FANCD2OS: variants seen among roughly 807,000 people sequenced by gnomAD.
FANCD2OS encodes FANCD2 opposite strand.
Under a neutral mutation model 13.2 loss-of-function variants are expected in FANCD2OS, and 11 were observed. The ratio of observed to expected loss-of-function variants is 0.83; its 90% CI spans 0.52 to 1.38. The LOEUF (loss-of-function observed/expected upper bound fraction) is 1.38. FANCD2OS is among the 40% of genes most tolerant of loss of function. The pLI, the probability that FANCD2OS is intolerant of heterozygous loss-of-function variation, is 0.00. For synonymous variants in FANCD2OS, 69 were observed against 84.5 expected, an observed-to-expected ratio of 0.82 and a Z score of 1.01; for missense variants, 217 against 213.9, an observed-to-expected ratio of 1.01 and a Z score of -0.09.
rs1206451088 is a variant in FANCD2OS at position 10,104,386 on chromosome 3, A to G, written c.389T>C (p.Ile130Thr). ...VSDKSAFCKI[I>T]SREHQWPIGL... ...AATGGGCCACTGGTGCTCCCTGCTA[A>G]TGATTTTGCAAAAGGCTGACTTGTC... The change falls in exon 2 of 2, where the codon ATT becomes ACT. Residue 130 changes from isoleucine (I) to threonine (T), a missense_variant. Physicochemically the swap from Ile to Thr is moderately conservative, Grantham distance 89 (BLOSUM62 -1). Transcript: ENST00000450660. 6.2e-7 allele frequency: 1 copy of G among 1,614,058 alleles called. No individual in the cohort carries two copies. Among genetic ancestry groups the G allele is most frequent in the Non-Finnish European group, 8.5e-7 (1 of 1,180,040 alleles).
At chr3:10,086,472 T>C (rs1420916632) in intron 2 of FANCD2OS, among the ~76,000 whole-genome samples, 1 of 152,128 alleles carries the variant, frequency 6.6e-6, no homozygotes, top group Non-Finnish European at 1.5e-5. Flanking sequence ...CATCCCTGTC[T>C]ATAGGTCAGG....
rs1021963749 is a variant in FANCD2OS at position 10,087,124 on chromosome 3, C to G, written c.*44-5593G>C. 16 of 1,613,954 alleles carry G rather than the reference C, an allele frequency of 9.9e-6. No individual in the cohort carries two copies. The highest frequency in any genetic ancestry group is 1.4e-5 in the Non-Finnish European group (16 of 1,179,932). The stretch of plus-strand genomic sequence containing the variant: ...TATTGCATTTGTTTGTTTTTCTTGT[C>G]TCCTTACAGCCAGAGCGTCCATTAC... On this transcript the variant is annotated intron_variant, in intron 2 of 2. Coordinates refer to the FANCD2OS transcript ENST00000524279.
chr3:10,085,895 A>G, intron 2 of FANCD2OS: 1 of 1,613,218 alleles, frequency 6.2e-7, no homozygotes, highest in Non-Finnish European at 8.5e-7. Flanking sequence ...CAGGGAGAAC[A>G]CAGCCAGCCT....
downstream of FANCD2OS, chr3:10,102,859 AAG>A: frequency 1.1e-5 from 2 of 184,160 alleles, no homozygotes; most frequent in Non-Finnish European, 2.3e-5. Flanking sequence ...AAAAAAAAAA[AAG>A]ACCAAAATAA....
intron 2 of FANCD2OS, among the ~76,000 whole-genome samples, chr3:10,092,583 G>A (rs1309493477): frequency 8.0e-5 from 12 of 150,012 alleles, no homozygotes; most frequent in Admixed American, 6.7e-4. Flanking sequence ...GAATGCCCTC[G>A]TTCTCCTTTA....
Position 10,087,390 on chromosome 3 carries a change from C to T in FANCD2OS, c.*44-5859G>A, listed in dbSNP as rs942939246. On this transcript the variant is annotated intron_variant, in intron 2 of 2. Transcript: ENST00000524279. ...ATCCCCACATAACCTTGGATAGGCC[C>T]TCTTGCTATACCAAGAAGGTCATTT... 1.2e-5 allele frequency: 10 copies of T among 852,812 alleles called. No individual in the cohort carries two copies. The African/African-American group carries it at 1.7e-4, about 15-fold the overall frequency. 52.8% of individuals were successfully genotyped at this position (852,812 alleles called of 1,614,324 possible). A position where few individuals can be genotyped will look rare whatever the true frequency, so the allele number is the denominator to read the frequency against.
Position 10,104,629 on chromosome 3 carries a change from T to G in FANCD2OS, c.146A>C (p.Gln49Pro). 1 of 1,614,204 alleles carries G rather than the reference T, an allele frequency of 6.2e-7. No individual in the cohort carries two copies. Among genetic ancestry groups the G allele is most frequent in the East Asian group, 2.2e-5 (1 of 44,880 alleles). ...TAGAGTGACCTCTTGAAAGCACAGC[T>G]GCACTTCAAGGTCGGACGGTGTGTG... ...FPHTPSDLEV[Q>P]LCFQEVTLVL... The change falls in exon 2 of 2, where the codon CAG becomes CCG. Residue 49 changes from glutamine to proline, a missense_variant. Transcript: ENST00000450660.
intron 2 of FANCD2OS, chr3:10,096,179 T>A: frequency 1.2e-6 from 1 of 815,058 alleles, no homozygotes. Flanking sequence ...TGGATTACTC[T>A]GCCAAACTAT....
At chr3:10,100,709 C>T (rs34765852), downstream of FANCD2OS, among the ~76,000 whole-genome samples, 259 of 152,204 alleles carry the variant, frequency 1.7e-3, 1 homozygote, top group African/African-American at 5.9e-3. Context: ...CATTCTATAT[C>T]GAATGCCCTC....
At chr3:10,088,565 A>G (rs1288294704) in intron 2 of FANCD2OS, 8 of 1,479,346 alleles carry the variant, frequency 5.4e-6, no homozygotes, top group East Asian at 2.3e-5. Flanking sequence ...GTTTCTTCCA[A>G]TGAGCCAAAT....
In FANCD2OS at chr3:10,090,379, G is replaced by T. The variant is rs779242727; in HGVS notation, c.*44-8848C>A. ...TTGAGCCTGGCACAGCAGCAGACTCGCAGCAGGTGAGTAAGATAATAGTCA... is the reference window on the plus strand; with the variant it reads ...TTGAGCCTGGCACAGCAGCAGACTCTCAGCAGGTGAGTAAGATAATAGTCA... On this transcript the variant is annotated intron_variant, in intron 2 of 2. Coordinates refer to the FANCD2OS transcript ENST00000524279. 1.9e-6 allele frequency: 3 copies of T among 1,602,566 alleles called. No individual in the cohort carries two copies. The East Asian group carries it at 6.7e-5, about 36-fold the overall frequency.
chr3:10,104,294 A>G lies in FANCD2OS; in HGVS notation c.481T>C (p.Leu161=). ...MCKQMLRSIL[L]LYATYKKCTF... ...CACTTTTTGTAAGTTGCATACAGCA[A>G]GAGGATAGAGCGCAGCATCTGTTTG... Residue 161 remains leucine, a synonymous_variant, in exon 2 of 2, where the codon TTG becomes CTG. Coordinates refer to ENST00000450660, the MANE Select transcript of FANCD2OS (RefSeq NM_001164839.2). The G allele has an allele frequency of 4.3e-6, 7 of 1,614,040 alleles. No homozygotes were observed. The highest frequency in any genetic ancestry group is 5.1e-6 in the Non-Finnish European group (6 of 1,179,964).
chr3:10,094,488 G>A, intron 2 of FANCD2OS: 1 of 834,404 alleles, frequency 1.2e-6, no homozygotes, highest in African/African-American at 1.7e-5. Flanking sequence ...TTCAGCTGTA[G>A]CCAGAGATCC....
chr3:10,107,824 A>G (rs933339893), intron 1 of FANCD2OS, among the ~76,000 whole-genome samples, 191 bp downstream of exon 1: 5 of 152,026 alleles, frequency 3.3e-5, no homozygotes, highest in African/African-American at 9.7e-5. Context: ...CACAAAGTTT[A>G]AAGATGGTTC....
intron 2 of FANCD2OS, chr3:10,081,538 T>C: frequency 9.6e-7 from 1 of 1,039,658 alleles, no homozygotes; most frequent in Non-Finnish European, 1.5e-6. Flanking sequence ...GGCACTGAAA[T>C]GTAGAAAAGA....
chr3:10,107,065 G>C (rs1443705849), intron 1 of FANCD2OS, among the ~76,000 whole-genome samples: 1 of 152,160 alleles, frequency 6.6e-6, no homozygotes, highest in Non-Finnish European at 1.5e-5. Flanking sequence ...GGCTGCCTTA[G>C]AATGAGAAAG....
intron 2 of FANCD2OS, chr3:10,090,439 G>C (rs1694521349): frequency 5.9e-6 from 4 of 681,442 alleles, no homozygotes; most frequent in African/African-American, 2.0e-5. Context: ...CTTGGAAGTT[G>C]CTGATTTTTT....
chr3:10,106,997 G>A (rs1352614883), intron 1 of FANCD2OS, among the ~76,000 whole-genome samples: 1 of 152,218 alleles, frequency 6.6e-6, no homozygotes, highest in Non-Finnish European at 1.5e-5. Context: ...TCTCCAACTA[G>A]TATGTTTCTC....
chr3:10,094,229 C>T (rs775519124), intron 2 of FANCD2OS: 29 of 1,293,374 alleles, frequency 2.2e-5, no homozygotes, highest in Admixed American at 1.0e-4. Flanking sequence ...ACTATTCTGC[C>T]TCAGGGGCCT....
Sources: allele counts gnomAD v4.1 joint callset (sites outside exome capture counted in the v4.1 genomes callset), GRCh38; gene constraint gnomAD v4.1.1; transcripts MANE v1.5; gene names NCBI Gene and HGNC (gene_info 2026-07-23, HGNC 2026-07-21).